TMPRSS7: variants seen among roughly 807,000 people sequenced by gnomAD.
The protein encoded by TMPRSS7 is transmembrane protease serine 7.
TMPRSS7 carries 81 observed loss-of-function variants against 95.6 expected under a neutral mutation model. The observed-to-expected ratio is 0.85, with a 90% CI of 0.71 to 1.02. The LOEUF is 1.02. Ranked by LOEUF, TMPRSS7 falls within the 50% of genes least tolerant of loss-of-function variation. TMPRSS7 has a pLI of 0.00. For synonymous variants in TMPRSS7, 364 were observed against 337.8 expected, an observed-to-expected ratio of 1.08 and a Z score of -0.85; for missense variants, 945 against 955.2, an observed-to-expected ratio of 0.99 and a Z score of 0.14.
chr3:112,075,591 C>A, intron 15 of TMPRSS7, 99 bp downstream of exon 15: 1 of 1,044,552 alleles, frequency 9.6e-7, no homozygotes, highest in Non-Finnish European at 1.3e-6. Flanking sequence ...TGGGGACATT[C>A]AATCAATTCA....
At chr3:112,043,562 A>G (rs1229110798) in intron 3 of TMPRSS7, among the ~76,000 whole-genome samples, 2 of 152,176 alleles carry the variant, frequency 1.3e-5, no homozygotes, top group Non-Finnish European at 2.9e-5. Flanking sequence ...ATAATTTCTA[A>G]GGGTTAAATT....
At chr3:112,044,594 T>C (rs915446631) in intron 4 of TMPRSS7, among the ~76,000 whole-genome samples, 1 of 152,196 alleles carries the variant, frequency 6.6e-6, no homozygotes, top group South Asian at 2.1e-4. Context: ...TAAACTTGTC[T>C]ATCATATTGG....
chr3:112,073,028 G>A (rs1029155671), intron 13 of TMPRSS7, among the ~76,000 whole-genome samples: 28 of 151,142 alleles, frequency 1.9e-4, no homozygotes, highest in African/African-American at 4.4e-4. Flanking sequence ...TTACACTCCC[G>A]CCAACAGTGT....
chr3:112,079,347 T>A (rs1374488274), intron 17 of TMPRSS7, among the ~76,000 whole-genome samples: 1 of 152,052 alleles, frequency 6.6e-6, no homozygotes, highest in East Asian at 1.9e-4. Context: ...ACCTTTGGGG[T>A]GACATTTCTC....
Position 112,042,961 on chromosome 3 carries a change from ATGAC to A in TMPRSS7, c.429+914_429+917del, listed in dbSNP as rs940899731. Reference sequence around the variant, plus strand: ...TTGTCATAGTGATGAACTTGACACAATGACTGGCTGTGTAGAATGAGGAAAGGTG... The same window carrying A: ...TTGTCATAGTGATGAACTTGACACAATGGCTGTGTAGAATGAGGAAAGGTG... On this transcript the variant is annotated intron_variant, in intron 3 of 17. Coordinates refer to ENST00000452346, the Ensembl canonical transcript of TMPRSS7. The A allele has an allele frequency of 2.4e-4, 109 of 455,132 alleles. 1 individual carries two copies. The highest frequency in any genetic ancestry group is 1.7e-3 in the African/African-American group (87 of 50,188). 28.2% of individuals were successfully genotyped at this position (455,132 alleles called of 1,614,324 possible).
At chr3:112,055,423 T>C (rs1302780466) in intron 9 of TMPRSS7, among the ~76,000 whole-genome samples, 1 of 146,378 alleles carries the variant, frequency 6.8e-6, no homozygotes, top group Non-Finnish European at 1.5e-5. Context: ...TCTATTCAAA[T>C]GCACATTGGA....
Position 112,076,970 on chromosome 3 carries a change from G to A in TMPRSS7, c.2050G>A (p.Glu684Lys), listed in dbSNP as rs2073717916. 1.9e-6 allele frequency: 3 copies of A among 1,614,180 alleles called. No homozygotes were observed. The highest frequency in any genetic ancestry group is 1.1e-5 in the South Asian group (1 of 91,082). ...CCCGGTGAGAAGAATTGTGGTCCAC[G>A]AGTACTATAACAGTCAGACTTTTGA... The change falls in exon 16 of 18, where the codon GAG (glutamate) becomes AAG (lysine). Residue 684 changes from glutamate (E) to lysine (K), a missense_variant. Coordinates refer to ENST00000452346, the Ensembl canonical transcript of TMPRSS7.
chr3:112,052,713 C>A, intron 9 of TMPRSS7, among the ~76,000 whole-genome samples: 1 of 152,124 alleles, frequency 6.6e-6, no homozygotes, highest in East Asian at 1.9e-4. Flanking sequence ...CCTTCTTGAG[C>A]TTGTGTGATA....
rs575598132 is a variant in TMPRSS7, at chr3:112,066,750, C to A, written c.1666+248C>A. On this transcript the variant is annotated intron_variant, in intron 13 of 17. Coordinates refer to ENST00000452346, the Ensembl canonical transcript of TMPRSS7. ...ATGTGTGTGAGTGTGTGTGTGTGTT[C>A]ATGTGTGAATACTGGCAGATTCTCC... Among the ~76,000 whole-genome samples, 4 of 151,496 alleles carry A rather than the reference C, an allele frequency of 2.6e-5. No homozygotes were observed. In the South Asian group the frequency reaches 8.4e-4, roughly 32 times the overall value.
chr3:112,050,730 C>A (rs1403731238), exon 9 of TMPRSS7: 1 of 1,604,078 alleles, frequency 6.2e-7, no homozygotes, highest in Non-Finnish European at 8.5e-7. Flanking sequence ...AATTTCAAGC[C>A]CATATTACCC....
At chr3:112,060,475 C>T (rs552795030) in intron 10 of TMPRSS7, among the ~76,000 whole-genome samples, 1 of 152,262 alleles carries the variant, frequency 6.6e-6, no homozygotes, top group South Asian at 2.1e-4. Flanking sequence ...TTTAGAGGCC[C>T]ACCCTCAGGG....
intron 2 of TMPRSS7, among the ~76,000 whole-genome samples, chr3:112,038,834 T>A (rs2073177781): frequency 6.6e-6 from 1 of 151,858 alleles, no homozygotes; most frequent in Admixed American, 6.6e-5. Context: ...CTCATTTCTT[T>A]TTTTTTTTTA....
intron 13 of TMPRSS7, among the ~76,000 whole-genome samples, chr3:112,070,001 G>A (rs1292661627): frequency 1.3e-5 from 2 of 152,216 alleles, no homozygotes; most frequent in East Asian, 3.8e-4. Flanking sequence ...CGCTTTAAAT[G>A]TGTCCCAGAG....
At chr3:112,056,893 A>G (rs2073439143) in intron 9 of TMPRSS7, 132 bp from the exon 10 acceptor site, 5 of 572,618 alleles carry the variant, frequency 8.7e-6, no homozygotes, top group Non-Finnish European at 1.2e-5. Context: ...CGCTTTGTTC[A>G]GGAGAACTGG....
chr3:112,061,959 A>C (rs749169362), intron 11 of TMPRSS7, 36 bp downstream of exon 11: 67 of 1,535,794 alleles, frequency 4.4e-5, no homozygotes, highest in Non-Finnish European at 5.8e-5. Context: ...AAAACTTAAT[A>C]CTTACATAGA....
exon 5 of TMPRSS7, chr3:112,045,832 G>C (rs1171039044): frequency 1.3e-6 from 2 of 1,551,764 alleles, no homozygotes; most frequent in South Asian, 2.4e-5. Context: ...CTTCTGTGAA[G>C]ACTGTGTTGC....
chr3:112,072,518 C>T (rs56801397), intron 13 of TMPRSS7, among the ~76,000 whole-genome samples: 4,557 of 152,320 alleles, frequency 0.03, 190 homozygotes, highest in African/African-American at 0.088. Context: ...CAGAGTGGAA[C>T]GTTTAAGTCT....
chr3:112,075,831 G>C (rs373814044), intron 15 of TMPRSS7, among the ~76,000 whole-genome samples: 1 of 152,182 alleles, frequency 6.6e-6, no homozygotes. Context: ...TCCCCAATGG[G>C]ATTATGATGG....
At chr3:112,067,953 T>C (rs1337908185) in intron 13 of TMPRSS7, among the ~76,000 whole-genome samples, 2 of 152,366 alleles carry the variant, frequency 1.3e-5, no homozygotes, top group South Asian at 4.1e-4. Flanking sequence ...CTAGGGACTT[T>C]ATGGTTTTAG....
Sources: allele counts gnomAD v4.1 joint callset (sites outside exome capture counted in the v4.1 genomes callset), GRCh38; gene constraint gnomAD v4.1.1; transcripts MANE v1.5; gene names NCBI Gene and HGNC (gene_info 2026-07-23, HGNC 2026-07-21).